Variants in CHSY1 observed in about 807,000 individuals in gnomAD.
CHSY1 encodes the protein chondroitin sulfate synthase 1, also known as N-acetylgalactosaminyl-proteoglycan 3-beta-glucuronosyltransferase 1.
Under a neutral mutation model 59.8 loss-of-function variants are expected in CHSY1, and 13 were observed. That is an observed-to-expected ratio of 0.22 (90% CI 0.14 to 0.35). The LOEUF is 0.35. CHSY1 is among the 10% of genes least tolerant of loss of function. CHSY1 has a pLI of 1.00. For synonymous variants in CHSY1, 459 were observed against 401.2 expected (o/e 1.14, Z -1.72); for missense variants, 947 against 1,030.6 (o/e 0.92, Z 1.11).
At chr15:101,233,359 AAAG>A (rs1567105425) in intron 2 of CHSY1, among the ~76,000 whole-genome samples, 1 of 152,138 alleles carries the variant, frequency 6.6e-6, no homozygotes, top group Non-Finnish European at 1.5e-5. Context: ...TTCTCTCCCG[AAAG>A]AAGGTCTGTC....
intron 2 of CHSY1, among the ~76,000 whole-genome samples, chr15:101,195,180 C>A (rs745906156): frequency 1.3e-5 from 2 of 152,174 alleles, no homozygotes; most frequent in Non-Finnish European, 2.9e-5. Flanking sequence ...TAATCCTACT[C>A]TGACATTTGA....
At chr15:101,218,949 A>G (rs1442585226) in intron 2 of CHSY1, among the ~76,000 whole-genome samples, 1 of 152,218 alleles carries the variant, frequency 6.6e-6, no homozygotes, top group Non-Finnish European at 1.5e-5. Flanking sequence ...ATAAAAAGGT[A>G]TAGTGCAGTA....
chr15:101,202,178 C>T, intron 2 of CHSY1, among the ~76,000 whole-genome samples: 1 of 129,306 alleles, frequency 7.7e-6, no homozygotes. Flanking sequence ...AGTGGGATCT[C>T]AGACACAGCA....
intron 2 of CHSY1, chr15:101,189,461 A>T (rs1002448403): frequency 1.0e-6 from 1 of 985,508 alleles, no homozygotes; most frequent in East Asian, 1.1e-4. Flanking sequence ...GAAGGGATGG[A>T]GCTCGGGGGG....
At chr15:101,232,607 C>A (rs996048344) in intron 2 of CHSY1, among the ~76,000 whole-genome samples, 1 of 152,018 alleles carries the variant, frequency 6.6e-6, no homozygotes, top group Non-Finnish European at 1.5e-5. Context: ...AAGCACAAAC[C>A]GTAATGGAAA....
At chr15:101,232,147 T>C (rs2038898776) in intron 2 of CHSY1, among the ~76,000 whole-genome samples, 1 of 152,224 alleles carries the variant, frequency 6.6e-6, no homozygotes, top group Admixed American at 6.5e-5. Context: ...AGGTACTATT[T>C]CTACTCGCCA....
intron 2 of CHSY1, among the ~76,000 whole-genome samples, chr15:101,206,437 C>A (rs1596442124): frequency 1.3e-5 from 2 of 152,080 alleles, no homozygotes; most frequent in East Asian, 3.9e-4. Context: ...GGTAGCAGCT[C>A]CCACTGTGGG....
At chr15:101,211,831 T>C (rs1434882201) in intron 2 of CHSY1, among the ~76,000 whole-genome samples, 1 of 151,484 alleles carries the variant, frequency 6.6e-6, no homozygotes, top group Non-Finnish European at 1.5e-5. Context: ...AATGGAATGA[T>C]ATCTTCCAAG....
At chr15:101,201,795 G>A (rs2038576579) in intron 2 of CHSY1, among the ~76,000 whole-genome samples, 1 of 152,282 alleles carries the variant, frequency 6.6e-6, no homozygotes, top group African/African-American at 2.4e-5. Context: ...CTAACCAGAT[G>A]GAAAGGAAGG....
At chr15:101,195,843 CT>C (rs2038500318) in intron 2 of CHSY1, among the ~76,000 whole-genome samples, 1 of 151,240 alleles carries the variant, frequency 6.6e-6, no homozygotes, top group African/African-American at 2.4e-5. Flanking sequence ...AAAAAAAACC[CT>C]GTCTCCAGGG....
At chr15:101,227,965 T>C (rs1187455073) in intron 2 of CHSY1, among the ~76,000 whole-genome samples, 1 of 151,274 alleles carries the variant, frequency 6.6e-6, no homozygotes, top group African/African-American at 2.4e-5. Flanking sequence ...CACATTTAAA[T>C]AATAGTAAGT....
rs1312821139 is a variant in CHSY1 at position 101,190,252 on chromosome 15, G to C, written c.817-11272C>G. Among the ~76,000 whole-genome samples the C allele has an allele frequency of 5.7e-5, 4 of 69,852 alleles. No homozygotes were observed. The East Asian group carries it at 1.6e-3, about 27-fold the overall frequency. 45.8% of individuals were successfully genotyped at this position (69,852 alleles called of 152,430 possible). On this transcript the variant is annotated intron_variant, in intron 2 of 2. Coordinates refer to ENST00000254190, the MANE Select transcript of CHSY1 (RefSeq NM_014918.5). ...TGAGGGAAGAAGAGGGAGTGGGTTT[G>C]TTTTTCTGGGGAAGGGTGGGTGGGG... is the stretch of plus-strand genomic sequence containing the variant.
At chr15:101,239,520 G>A (rs1254603890) in intron 1 of CHSY1, among the ~76,000 whole-genome samples, 1 of 152,220 alleles carries the variant, frequency 6.6e-6, no homozygotes, top group Non-Finnish European at 1.5e-5. Context: ...AACGGGGGTT[G>A]TTGTGAGGGT....
At chr15:101,242,086 T>C (rs758254751) in intron 1 of CHSY1, among the ~76,000 whole-genome samples, 6 of 152,174 alleles carry the variant, frequency 3.9e-5, no homozygotes, top group Non-Finnish European at 7.4e-5. Flanking sequence ...ATATTTTCAA[T>C]CCATGGATGG....
At chr15:101,185,678 G>A (rs1365289877) in intron 2 of CHSY1, among the ~76,000 whole-genome samples, 1 of 147,266 alleles carries the variant, frequency 6.8e-6, no homozygotes, top group Non-Finnish European at 1.5e-5. Context: ...TGAATCCCCT[G>A]CAATGTTCTC....
intron 2 of CHSY1, among the ~76,000 whole-genome samples, chr15:101,198,331 C>T (rs892025284): frequency 2.0e-5 from 3 of 152,232 alleles, no homozygotes; most frequent in African/African-American, 7.2e-5. Flanking sequence ...CACAGTCCCC[C>T]GAAATCCTGG....
At chr15:101,216,286 T>C (rs1032255562) in intron 2 of CHSY1, among the ~76,000 whole-genome samples, 30 of 152,242 alleles carry the variant, frequency 2.0e-4, no homozygotes, top group African/African-American at 6.5e-4. Context: ...CTCTTGTTCA[T>C]TGCAGCTGGG....
chr15:101,184,355 T>C (rs937422615), intron 2 of CHSY1, among the ~76,000 whole-genome samples: 12 of 152,066 alleles, frequency 7.9e-5, no homozygotes, highest in Admixed American at 3.3e-4. Context: ...TCTACAAGTT[T>C]GAAATAAATG....
At chr15:101,192,759 TTAAGA>T (rs1171524429) in intron 2 of CHSY1, among the ~76,000 whole-genome samples, 1 of 151,946 alleles carries the variant, frequency 6.6e-6, no homozygotes, top group African/African-American at 2.4e-5. Context: ...TATCCAAAGG[TTAAGA>T]TGTCATAGCT....
Sources: allele counts gnomAD v4.1 joint callset (sites outside exome capture counted in the v4.1 genomes callset), GRCh38; gene constraint gnomAD v4.1.1; transcripts MANE v1.5; gene names NCBI Gene and HGNC (gene_info 2026-07-23, HGNC 2026-07-21).